The following ERAP1 variants were observed in gnomAD, a reference collection of about 807,000 sequenced individuals.
ERAP1 encodes endoplasmic reticulum aminopeptidase 1.
Under a neutral mutation model 103.7 loss-of-function variants are expected in ERAP1, and 86 were observed. The ratio of observed to expected loss-of-function variants is 0.83; its 90% CI spans 0.70 to 0.99. The LOEUF (loss-of-function observed/expected upper bound fraction) is 0.99. Ranked by LOEUF, ERAP1 falls within the 50% of genes least tolerant of loss-of-function variation. ERAP1 has a pLI of 0.00. For synonymous variants in ERAP1, 398 were observed against 402.4 expected, an observed-to-expected ratio of 0.99 and a Z score of 0.13; for missense variants, 1,009 against 1,128.4, an observed-to-expected ratio of 0.89 and a Z score of 1.52.
At chr5:96,919,112 A>C in the ERAP1 span, 1 of 152,234 alleles carries the variant, frequency 6.6e-6, no homozygotes, top group African/African-American at 2.4e-5. Flanking sequence ...TTATTAAGGA[A>C]GACTTGGGAT....
intron 11 of ERAP1, 53 bp from the exon 12 acceptor site, chr5:96,786,602 G>T: frequency 8.3e-7 from 1 of 1,206,548 alleles, no homozygotes; most frequent in Non-Finnish European, 1.2e-6. Flanking sequence ...TCAACAAGCA[G>T]TTATTAAATC....
chr5:96,898,265 A>T, the ERAP1 span, among the ~76,000 whole-genome samples: 2 of 152,034 alleles, frequency 1.3e-5, no homozygotes, highest in East Asian at 3.9e-4. Context: ...AAGCACTTTC[A>T]TGTTGATTAT....
At chr5:96,859,485 G>A in the ERAP1 span, among the ~76,000 whole-genome samples, 2 of 152,018 alleles carry the variant, frequency 1.3e-5, no homozygotes, top group Non-Finnish European at 2.9e-5. Flanking sequence ...CTCCTCTGTA[G>A]GTGGATGGTT....
the ERAP1 span, chr5:96,934,872 A>C: frequency 1.3e-5 from 2 of 152,892 alleles, no homozygotes; most frequent in East Asian, 3.9e-4. Flanking sequence ...GAGGCAGAGG[A>C]GGCGGTGATG....
At chr5:96,801,034 A>C in intron 2 of ERAP1, 34 bp from the exon 3 acceptor site, 1 of 1,612,184 alleles carries the variant, frequency 6.2e-7, no homozygotes, top group Non-Finnish European at 8.5e-7. Context: ...AAAATTGAGC[A>C]TGAAGCACCA....
At chr5:96,837,149 G>T in the ERAP1 span, among the ~76,000 whole-genome samples, 1 of 151,916 alleles carries the variant, frequency 6.6e-6, no homozygotes, top group African/African-American at 2.4e-5. Context: ...AATTCCTCAT[G>T]ATAGTCACAT....
chr5:96,861,562 T>G, the ERAP1 span, among the ~76,000 whole-genome samples: 2 of 152,224 alleles, frequency 1.3e-5, no homozygotes, highest in East Asian at 3.8e-4. Flanking sequence ...CAATGTTTCC[T>G]CTGATGCTGT....
chr5:96,901,784 TC>T, the ERAP1 span: 1 of 1,179,362 alleles, frequency 8.5e-7, no homozygotes, highest in Non-Finnish European at 1.2e-6. Context: ...GGATGCTAGT[TC>T]CATATAAGAA....
the ERAP1 span, among the ~76,000 whole-genome samples, chr5:96,856,365 T>TATATATATATAG: frequency 2.3e-3 from 47 of 20,374 alleles, 2 homozygotes; most frequent in Non-Finnish European, 3.0e-3. Flanking sequence ...TATATATATA[T>TATATATATATAG]AGAGAGAGAG....
chr5:96,927,495 TG>T, the ERAP1 span, among the ~76,000 whole-genome samples: 1 of 152,142 alleles, frequency 6.6e-6, no homozygotes, highest in Non-Finnish European at 1.5e-5. Flanking sequence ...TTTTTTTTTT[TG>T]TTTGTTTTGA....
the ERAP1 span, among the ~76,000 whole-genome samples, chr5:96,913,150 AAATT>A: frequency 1.6e-4 from 24 of 152,202 alleles, no homozygotes; most frequent in Non-Finnish European, 2.2e-4. Context: ...AACAAAATAA[AAATT>A]ATTTCTAAAA....
At chr5:96,888,028 G>C in the ERAP1 span, among the ~76,000 whole-genome samples, 2 of 151,980 alleles carry the variant, frequency 1.3e-5, no homozygotes, top group Non-Finnish European at 2.9e-5. Flanking sequence ...GGGAGGCTGA[G>C]GCAGGAGAAT....
chr5:96,768,871 C>T (rs1308210210), intron 19 of ERAP1: 2 of 156,660 alleles, frequency 1.3e-5, no homozygotes, highest in Non-Finnish European at 2.8e-5. Context: ...CTTCCATGCC[C>T]TCCTTGCTCT....
chr5:96,793,155 GA>G lies in ERAP1; in HGVS notation c.1188+244del, dbSNP rs201279135. ...ATTATTTCTATTTCTTTGATATTAA[GA>G]AATATAAAATCGGACAATTTACAAA... On this transcript the variant is annotated intron_variant, in intron 7 of 18. Transcript: ENST00000443439. 8.6e-3 allele frequency among the ~76,000 whole-genome samples: 1,315 copies of G among 152,230 alleles called. 19 individuals are homozygous for G. Among genetic ancestry groups the G allele is most frequent in the African/African-American group, 0.03 (1,238 of 41,526 alleles).
intron 2 of ERAP1, 46 bp from the exon 3 acceptor site, chr5:96,801,046 G>A (rs1777934429): frequency 1.9e-6 from 3 of 1,607,568 alleles, no homozygotes; most frequent in Non-Finnish European, 2.5e-6. Context: ...GAAGCACCAG[G>A]AACTCTAAAA....
At chr5:96,832,965 T>C in the ERAP1 span, among the ~76,000 whole-genome samples, 6 of 152,186 alleles carry the variant, frequency 3.9e-5, no homozygotes, top group Non-Finnish European at 8.8e-5. Flanking sequence ...TTAGTGCCCA[T>C]ATAAAAGGGA....
At chr5:96,886,742 G>C in the ERAP1 span, 2 of 1,538,406 alleles carry the variant, frequency 1.3e-6, no homozygotes, top group Non-Finnish European at 1.8e-6. Context: ...AGCCTACATA[G>C]TTTGTGATTT....
chr5:96,902,549 T>A, the ERAP1 span: 2 of 504,250 alleles, frequency 4.0e-6, no homozygotes, highest in Non-Finnish European at 7.1e-6. Flanking sequence ...GGAAGTTCTC[T>A]TGCGCTTTTA....
chr5:96,881,492 C>G, the ERAP1 span: 1 of 456,152 alleles, frequency 2.2e-6, no homozygotes, highest in Non-Finnish European at 4.4e-6. Context: ...TAAGAGGAGT[C>G]TGGCTCAGTG....
Sources: gnomAD v4.1 joint callset for allele counts (sites outside exome capture counted in the v4.1 genomes callset) on GRCh38, gnomAD v4.1.1 for gene constraint, MANE v1.5 for transcripts, NCBI Gene and HGNC (gene_info 2026-07-23, HGNC 2026-07-21) for gene names.